Variants in CASK observed in about 807,000 individuals in gnomAD.
CASK encodes peripheral plasma membrane protein CASK.
A neutral mutation model predicts 82.9 loss-of-function variants in CASK; 4 were observed. That is an observed-to-expected ratio of 0.05 (90% CI 0.02 to 0.11). The LOEUF is 0.11. CASK is among the 10% of genes least tolerant of loss of function. The probability of loss-of-function intolerance (pLI) is 1.00; values close to 1 mark genes in which losing one functional copy is unlikely to be tolerated. For missense variants in CASK, 358 were observed against 720.9 expected (o/e 0.50, Z 5.76); for synonymous variants, 259 against 253.5 (o/e 1.02, Z -0.20).
chrX:41,526,366 G>A (rs1602211268), intron 25 of CASK, among the ~76,000 whole-genome samples: 1 of 111,892 alleles, frequency 8.9e-6, no homozygotes, highest in South Asian at 3.7e-4. Flanking sequence ...GATGCTGAAC[G>A]GAACCCACAG....
intron 2 of CASK, among the ~76,000 whole-genome samples, chrX:41,807,262 T>C (rs1299814697): frequency 9.0e-6 from 1 of 110,934 alleles, no homozygotes; most frequent in Non-Finnish European, 1.9e-5. Flanking sequence ...CACTTTAATG[T>C]AGAGTTACAA....
At chrX:41,755,977 A>G (rs914375139) in intron 3 of CASK, among the ~76,000 whole-genome samples, 6 of 112,272 alleles carry the variant, frequency 5.3e-5, no homozygotes, top group African/African-American at 1.9e-4. Flanking sequence ...TGAAGCATAG[A>G]TTCAACAGAA....
At chrX:41,877,815 C>T (rs773134962) in intron 1 of CASK, among the ~76,000 whole-genome samples, 1 of 110,708 alleles carries the variant, frequency 9.0e-6, no homozygotes, top group South Asian at 3.8e-4. Flanking sequence ...TTCCTTCTTC[C>T]CATAATATCT....
intron 21 of CASK, among the ~76,000 whole-genome samples, chrX:41,546,316 C>G (rs942816152): frequency 9.0e-6 from 1 of 110,909 alleles, no homozygotes; most frequent in African/African-American, 3.3e-5. Flanking sequence ...TGCTATGTTA[C>G]CCAGGACAGT....
At chrX:41,816,554 A>T (rs1219835403) in intron 2 of CASK, among the ~76,000 whole-genome samples, 1 of 111,279 alleles carries the variant, frequency 9.0e-6, no homozygotes, top group African/African-American at 3.3e-5. Flanking sequence ...CAGAAAACAT[A>T]AATGAAACAA....
rs762225036 is a variant in CASK, at chrX:41,883,636, G to T, written c.60-30409C>A. ...AAGAAAAATATCGACATTTTTTGACGAAACGATATTGTCATGGAAACCCCA... is the reference window on the plus strand; with the variant it reads ...AAGAAAAATATCGACATTTTTTGACTAAACGATATTGTCATGGAAACCCCA... On this transcript the variant is annotated intron_variant, in intron 1 of 26. Coordinates refer to ENST00000378163, the MANE Select transcript of CASK (RefSeq NM_001367721.1). 2.7e-5 allele frequency among the ~76,000 whole-genome samples: 3 copies of T among 111,276 alleles called. No individual in the cohort carries two copies. In the South Asian group the frequency reaches 1.1e-3, roughly 42 times the overall value.
chrX:41,880,737 C>T (rs931391228), intron 1 of CASK, among the ~76,000 whole-genome samples: 2 of 111,758 alleles, frequency 1.8e-5, no homozygotes, highest in African/African-American at 6.5e-5. Flanking sequence ...CTGACTGCAA[C>T]CCTTAAAATT....
At chrX:41,539,722 G>C (rs2064922628) in intron 22 of CASK, among the ~76,000 whole-genome samples, 2 of 112,282 alleles carry the variant, frequency 1.8e-5, no homozygotes, top group South Asian at 7.4e-4. Flanking sequence ...TTAAATACTT[G>C]ACCCTATGAT....
intron 2 of CASK, among the ~76,000 whole-genome samples, chrX:41,818,145 CTGTGTGTGTG>C (rs59931187): frequency 1.7e-3 from 146 of 85,395 alleles, no homozygotes; most frequent in Middle Eastern, 5.8e-3. Flanking sequence ...AGGAGGCCTT[CTGTGTGTGTG>C]TGTGTGTGTG....
At chrX:41,811,227 C>T (rs1237210604) in intron 2 of CASK, among the ~76,000 whole-genome samples, 5 of 111,738 alleles carry the variant, frequency 4.5e-5, no homozygotes, top group Non-Finnish European at 3.8e-5. Context: ...CTGCACCAAG[C>T]GGACCTAGTA....
intron 5 of CASK, among the ~76,000 whole-genome samples, chrX:41,677,338 G>C (rs1360907035): frequency 9.0e-6 from 1 of 110,928 alleles, no homozygotes; most frequent in Non-Finnish European, 1.9e-5. Context: ...TCAGAGGATT[G>C]AGTCCTGGTG....
At chrX:41,594,168 C>T (rs1171464782) in intron 12 of CASK, among the ~76,000 whole-genome samples, 1 of 112,260 alleles carries the variant, frequency 8.9e-6, no homozygotes, top group Non-Finnish European at 1.9e-5. Flanking sequence ...AGCTGCTAGA[C>T]CACTTCTCCT....
At chrX:41,755,779 T>C (rs952864535) in intron 3 of CASK, among the ~76,000 whole-genome samples, 1 of 112,316 alleles carries the variant, frequency 8.9e-6, no homozygotes, top group Non-Finnish European at 1.9e-5. Flanking sequence ...TTGTAAGTTA[T>C]ATGAAATTTT....
intron 2 of CASK, among the ~76,000 whole-genome samples, chrX:41,849,285 T>C (rs913711705): frequency 1.8e-5 from 2 of 112,044 alleles, no homozygotes; most frequent in African/African-American, 6.5e-5. Context: ...TTCCTTATTA[T>C]AATTTGTCTG....
intron 5 of CASK, among the ~76,000 whole-genome samples, chrX:41,673,334 G>C (rs1216933647): frequency 9.0e-6 from 1 of 111,716 alleles, no homozygotes; most frequent in African/African-American, 3.3e-5. Context: ...TGCCCAGGCT[G>C]GTCTTGAACT....
intron 21 of CASK, among the ~76,000 whole-genome samples, chrX:41,543,537 T>C (rs1216808172): frequency 1.7e-4 from 19 of 112,296 alleles, no homozygotes; most frequent in Non-Finnish European, 5.6e-5. Context: ...TTCACAGTTA[T>C]AACCACAATC....
chrX:41,666,954 G>A (rs2147483352), intron 6 of CASK, among the ~76,000 whole-genome samples: 1 of 111,115 alleles, frequency 9.0e-6, no homozygotes, highest in Non-Finnish European at 1.9e-5. Flanking sequence ...AGGAGTAGGG[G>A]AAACCAGTAT....
At chrX:41,749,348 C>CA (rs772753827) in intron 3 of CASK, among the ~76,000 whole-genome samples, 89 of 86,402 alleles carry the variant, frequency 1.0e-3, no homozygotes, top group African/African-American at 3.5e-3. Context: ...TAATATTTGG[C>CA]AAAAAAAAAT....
rs940207231 is a variant in CASK at position 41,890,828 on chromosome X, C to G, written c.59+32102G>C. On this transcript the variant is annotated intron_variant, in intron 1 of 26. Transcript: ENST00000378163. Reference sequence around the variant, plus strand: ...AATTAAGTTGTCTACATACCAAGAGCTATTTGTATTTGTTCCTAAATGTGT... The same window carrying G: ...AATTAAGTTGTCTACATACCAAGAGGTATTTGTATTTGTTCCTAAATGTGT... Among the ~76,000 whole-genome samples, 6 of 110,778 alleles carry G rather than the reference C, an allele frequency of 5.4e-5. No homozygotes were observed. In the South Asian group the frequency reaches 2.3e-3, roughly 42 times the overall value.
Sources: allele counts gnomAD v4.1 joint callset (sites outside exome capture counted in the v4.1 genomes callset), GRCh38; gene constraint gnomAD v4.1.1; transcripts MANE v1.5; gene names NCBI Gene and HGNC (gene_info 2026-07-23, HGNC 2026-07-21).